The following SNTG1 variants were observed in gnomAD, a reference collection of about 807,000 sequenced individuals.
SNTG1 encodes the protein syntrophin gamma 1.
SNTG1 carries 39 observed loss-of-function variants against 74.7 expected under a neutral mutation model. The ratio of observed to expected loss-of-function variants is 0.52; its 90% CI spans 0.40 to 0.68. The LOEUF (loss-of-function observed/expected upper bound fraction) is 0.68, where lower values mean the gene tolerates loss of function less well. Ranked by LOEUF, SNTG1 falls within the 30% of genes least tolerant of loss-of-function variation. SNTG1 has a pLI of 0.00. For missense variants in SNTG1, 685 were observed against 609.5 expected (o/e 1.12, Z -1.30); for synonymous variants, 254 against 217.1 (o/e 1.17, Z -1.49).
chr8:50,688,732 C>A (rs1242768489), intron 15 of SNTG1, among the ~76,000 whole-genome samples: 1 of 152,078 alleles, frequency 6.6e-6, no homozygotes, highest in Non-Finnish European at 1.5e-5. Flanking sequence ...ATTGACTTGG[C>A]AATGCGGGCT....
At chr8:50,329,602 G>A (rs930731402) in intron 2 of SNTG1, among the ~76,000 whole-genome samples, 6 of 151,928 alleles carry the variant, frequency 3.9e-5, no homozygotes, top group Admixed American at 6.6e-5. Flanking sequence ...TGCAGGGCAC[G>A]AGATCCCAAG....
At chr8:49,969,917 C>A (rs1357171672) in intron 1 of SNTG1, among the ~76,000 whole-genome samples, 1 of 77,408 alleles carries the variant, frequency 1.3e-5, no homozygotes, top group East Asian at 6.4e-4. Context: ...GAATAAAAAA[C>A]CTGTGTGTGT....
At chr8:50,082,639 A>T (rs1822516918) in intron 1 of SNTG1, among the ~76,000 whole-genome samples, 1 of 152,192 alleles carries the variant, frequency 6.6e-6, no homozygotes, top group African/African-American at 2.4e-5. Flanking sequence ...TGATGAATTT[A>T]TGAATGTCCT....
At chr8:50,250,044 T>C (rs1420393442) in intron 2 of SNTG1, among the ~76,000 whole-genome samples, 1 of 150,958 alleles carries the variant, frequency 6.6e-6, no homozygotes, top group Non-Finnish European at 1.5e-5. Context: ...CAGGGAGATA[T>C]AAGAGGATCT....
In SNTG1 at chr8:50,006,033, G is replaced by T. The variant is rs1415179190; in HGVS notation, c.-103+93802G>T. ...AAGCTGGAGTGCAGTGGCCATCTGG[G>T]CTCACTGCAACCTCCGACTCCTGGG... On this transcript the variant is annotated intron_variant, in intron 1 of 18. Coordinates refer to ENST00000642720, the MANE Select transcript of SNTG1 (RefSeq NM_018967.5). Among the ~76,000 whole-genome samples the T allele has an allele frequency of 2.1e-5, 3 of 144,636 alleles. No individual in the cohort carries two copies. In the South Asian group the frequency reaches 6.6e-4, roughly 32 times the overall value. The allele number at this position is 144,636 out of a possible 152,430, so 94.9% of individuals were successfully genotyped here.
chr8:50,256,034 A>G (rs1174927272), intron 2 of SNTG1, among the ~76,000 whole-genome samples: 1 of 152,166 alleles, frequency 6.6e-6, no homozygotes, highest in African/African-American at 2.4e-5. Flanking sequence ...TTGTCTATTC[A>G]CCAAAAACAA....
chr8:50,012,178 A>T (rs1013361635), intron 1 of SNTG1, among the ~76,000 whole-genome samples: 2 of 152,184 alleles, frequency 1.3e-5, no homozygotes, highest in Admixed American at 6.6e-5. Context: ...AAAAATGAGC[A>T]CTTACACCAC....
intron 1 of SNTG1, among the ~76,000 whole-genome samples, chr8:50,013,852 C>T (rs2130602339): frequency 6.6e-6 from 1 of 152,176 alleles, no homozygotes; most frequent in Non-Finnish European, 1.5e-5. Context: ...TAAGGGAGGA[C>T]TTGGAACCTG....
At chr8:50,150,853 G>A (rs554521152) in intron 1 of SNTG1, among the ~76,000 whole-genome samples, 1 of 152,174 alleles carries the variant, frequency 6.6e-6, no homozygotes, top group African/African-American at 2.4e-5. Context: ...GTTCATCAGG[G>A]ATGTTGGTCT....
intron 1 of SNTG1, among the ~76,000 whole-genome samples, chr8:49,937,253 A>C (rs896466253): frequency 2.0e-5 from 3 of 152,172 alleles, no homozygotes; most frequent in Non-Finnish European, 2.9e-5. Flanking sequence ...CAATTACATA[A>C]AATTCTAGAA....
chr8:50,708,580 A>C (rs1585607324), intron 16 of SNTG1: 1 of 267,704 alleles, frequency 3.7e-6, no homozygotes, highest in East Asian at 6.9e-5. Flanking sequence ...TTTTTATATT[A>C]TATACCACCT....
At chr8:50,159,190 C>G (rs995326543) in intron 1 of SNTG1, among the ~76,000 whole-genome samples, 1 of 151,710 alleles carries the variant, frequency 6.6e-6, no homozygotes, top group Non-Finnish European at 1.5e-5. Flanking sequence ...AGATTTTTGA[C>G]TATTTTAAAT....
intron 12 of SNTG1, among the ~76,000 whole-genome samples, chr8:50,579,892 A>T (rs1427774234): frequency 6.6e-6 from 1 of 152,182 alleles, no homozygotes; most frequent in Non-Finnish European, 1.5e-5. Context: ...AAGAAGAGAA[A>T]TGTGGGGTAG....
chr8:50,598,785 C>A lies in SNTG1; in HGVS notation c.849+7868C>A, dbSNP rs578186794. On this transcript the variant is annotated intron_variant, in intron 13 of 18. Transcript: ENST00000642720. ...GCTTTATAGTTTTTATTATAGAGATCTTTCATTTTTCTGGCTAAGTTTATT... is the reference window on the plus strand; with the variant it reads ...GCTTTATAGTTTTTATTATAGAGATATTTCATTTTTCTGGCTAAGTTTATT... Among the ~76,000 whole-genome samples, 14 of 151,872 alleles carry A rather than the reference C, an allele frequency of 9.2e-5. No individual in the cohort carries two copies. In the South Asian group the frequency reaches 2.3e-3, roughly 25 times the overall value.
At chr8:50,662,999 G>A (rs2095232329) in intron 15 of SNTG1, among the ~76,000 whole-genome samples, 1 of 152,164 alleles carries the variant, frequency 6.6e-6, no homozygotes, top group African/African-American at 2.4e-5. Context: ...AGCTGATGAA[G>A]GAGTTTAGGA....
chr8:50,540,015 C>T (rs895626677), intron 11 of SNTG1, among the ~76,000 whole-genome samples: 2 of 152,004 alleles, frequency 1.3e-5, no homozygotes, highest in Non-Finnish European at 2.9e-5. Flanking sequence ...GAGGAAAACC[C>T]AGGGGATTCA....
intron 8 of SNTG1, among the ~76,000 whole-genome samples, chr8:50,467,878 T>G (rs923018552): frequency 6.6e-6 from 1 of 151,944 alleles, no homozygotes; most frequent in Admixed American, 6.6e-5. Flanking sequence ...CTCTTCAGAC[T>G]TCTTAATGAC....
chr8:50,095,692 T>C lies in SNTG1; in HGVS notation c.-102-76869T>C, dbSNP rs111353982. 7.2e-5 allele frequency among the ~76,000 whole-genome samples: 11 copies of C among 152,312 alleles called. 1 individual carries two copies. Among genetic ancestry groups the C allele is most frequent in the African/African-American group, 2.4e-4 (10 of 41,570 alleles). The stretch of plus-strand genomic sequence containing the variant: ...AAAAGAATGTACAGAAATGTTGTAC[T>C]AGAATATGTTTGTTTGCTTTGTTTA... On this transcript the variant is annotated intron_variant, in intron 1 of 18. Transcript: ENST00000642720.
intron 13 of SNTG1, 30 bp downstream of exon 13, chr8:50,590,947 A>G: frequency 6.7e-7 from 1 of 1,486,230 alleles, no homozygotes; most frequent in Non-Finnish European, 9.1e-7. Context: ...GGAAAGCTAA[A>G]TAATATATTT....
Sources: allele counts gnomAD v4.1 joint callset (sites outside exome capture counted in the v4.1 genomes callset), GRCh38; gene constraint gnomAD v4.1.1; transcripts MANE v1.5; gene names NCBI Gene and HGNC (gene_info 2026-07-23, HGNC 2026-07-21).